Variants in DGAT2 observed in about 807,000 individuals in gnomAD.
DGAT2 encodes acyl-CoA retinol O-fatty-acyltransferase.
DGAT2 carries 33 observed loss-of-function variants against 48.4 expected under a neutral mutation model. The observed-to-expected ratio is 0.68, with a 90% CI of 0.52 to 0.91. The LOEUF is 0.91. Among genes scored for constraint, DGAT2 ranks in the 40% least tolerant of loss-of-function variants. The pLI, the probability that DGAT2 is intolerant of heterozygous loss-of-function variation, is 0.00. For synonymous variants in DGAT2, 191 were observed against 194.1 expected (o/e 0.98, Z 0.13); for missense variants, 446 against 493.7 (o/e 0.90, Z 0.92).
chr11:75,794,671 A>G (rs966869460), intron 4 of DGAT2: 4 of 152,332 alleles, frequency 2.6e-5, no homozygotes, highest in African/African-American at 9.6e-5. Context: ...ACGAGAAGAT[A>G]TGGAACTGAG....
Position 75,769,071 on chromosome 11 carries a change from A to G in DGAT2, c.80A>G (p.His27Arg), listed in dbSNP as rs181017988. The G allele has an allele frequency of 1.7e-4, 267 of 1,583,178 alleles. 1 individual carries two copies. The East Asian group carries it at 6.3e-3, about 37-fold the overall frequency. The change falls in exon 1 of 8, where the codon CAC (histidine) becomes CGC (arginine). Residue 27 changes from histidine to arginine, a missense_variant. Physicochemically the swap from His to Arg is conservative, Grantham distance 29. Transcript: ENST00000228027. Reference protein sequence around the residue: ...QAEADRSQRSHGGPALSREGS... With the variant: ...QAEADRSQRSRGGPALSREGS... ...GAGGCTGACCGGAGCCAGCGCTCTC[A>G]CGGAGGACCTGCGCTGTCGCGCGAG...
Position 75,780,259 on chromosome 11 carries a change from C to T in DGAT2, c.122-4359C>T, listed in dbSNP as rs58082408. Among the ~76,000 whole-genome samples the T allele has an allele frequency of 1.6e-3, 241 of 152,300 alleles. 1 individual carries two copies. In the East Asian group the frequency reaches 0.02, roughly 13 times the overall value. ...CCAGCTTCTGCTGGACTCCTCCCAG[C>T]CACAGCTGGGGCAGAGGAAGTACTG... On this transcript the variant is annotated intron_variant, in intron 1 of 7. Transcript: ENST00000228027.
chr11:75,773,948 A>G (rs144441084), intron 1 of DGAT2: 1 of 152,454 alleles, frequency 6.6e-6, no homozygotes, highest in Non-Finnish European at 1.5e-5. Flanking sequence ...AGGAAATAGC[A>G]TAAATAGAGG....
chr11:75,790,564 G>T lies in DGAT2; in HGVS notation c.359-97G>T. On this transcript the variant is annotated intron_variant, in intron 3 of 7. Transcript: ENST00000228027. Reference sequence around the variant, plus strand: ...GGGAAGGGGGCATGGTGCATGGGGTGATGGTCACCTGCTTGGGTTTCACAC... The same window carrying T: ...GGGAAGGGGGCATGGTGCATGGGGTTATGGTCACCTGCTTGGGTTTCACAC... 5 of 1,140,986 alleles carry T rather than the reference G, an allele frequency of 4.4e-6. No homozygotes were observed. In the East Asian group the frequency reaches 9.4e-5, roughly 21 times the overall value. 70.7% of individuals were successfully genotyped at this position (1,140,986 alleles called of 1,614,324 possible).
intron 7 of DGAT2, 135 bp downstream of exon 7, chr11:75,798,564 T>C: frequency 1.0e-6 from 1 of 987,306 alleles, no homozygotes. Context: ...GACTTTGAAG[T>C]GTTGGGTGCT....
chr11:75,800,687 C>G lies in DGAT2; in HGVS notation c.*179C>G, dbSNP rs1469275375. The G allele has an allele frequency of 1.2e-6, 1 of 825,044 alleles. No individual in the cohort carries two copies. The highest frequency in any genetic ancestry group is 1.8e-6 in the Non-Finnish European group (1 of 550,148). 51.1% of individuals were successfully genotyped at this position (825,044 alleles called of 1,614,324 possible). A position where few individuals can be genotyped will look rare whatever the true frequency, so the allele number is the denominator to read the frequency against. Reference sequence around the variant, plus strand: ...AAAAAGTCAGTATTTCAAGTTCTTTCACTTCCAGCTTGCCCTGTTCTAGGT... The same window carrying G: ...AAAAAGTCAGTATTTCAAGTTCTTTGACTTCCAGCTTGCCCTGTTCTAGGT... On this transcript the variant is annotated 3_prime_UTR_variant, in exon 8 of 8. Transcript: ENST00000228027.
At chr11:75,798,165 G>C (rs1945075842) in intron 6 of DGAT2, 62 bp from the exon 7 acceptor site, 4 of 1,574,130 alleles carry the variant, frequency 2.5e-6, no homozygotes, top group Admixed American at 1.7e-5. Flanking sequence ...AGGGCCTCTA[G>C]GCTGACATAG....
At chr11:75,785,796 TCTGAGA>T (rs1944916568) in intron 2 of DGAT2, among the ~76,000 whole-genome samples, 1 of 152,228 alleles carries the variant, frequency 6.6e-6, no homozygotes, top group Non-Finnish European at 1.5e-5. Flanking sequence ...CATGGGGCGC[TCTGAGA>T]CTGAGACCAT....
chr11:75,800,716 G>A lies in DGAT2; in HGVS notation c.*208G>A, dbSNP rs1370545830. On this transcript the variant is annotated 3_prime_UTR_variant, in exon 8 of 8. Transcript: ENST00000228027. ...TCCAGCTTGCCCTGTTCTAGGTGGT[G>A]GCTAAATCTGGGCCTAATCTGGGTG... 1.5e-5 allele frequency: 9 copies of A among 596,848 alleles called. No individual in the cohort carries two copies. In the East Asian group the frequency reaches 3.0e-4, roughly 20 times the overall value. 37.0% of individuals were successfully genotyped at this position (596,848 alleles called of 1,614,324 possible). A position where few individuals can be genotyped will look rare whatever the true frequency, so the allele number is the denominator to read the frequency against.
At chr11:75,789,995 T>A (rs1426104426) in intron 2 of DGAT2, among the ~76,000 whole-genome samples, 193 bp from the exon 3 acceptor site, 4 of 152,204 alleles carry the variant, frequency 2.6e-5, no homozygotes, top group Admixed American at 2.6e-4. Context: ...GAGATGAGGC[T>A]CCTCTTGTCC....
At chr11:75,796,609 G>A (rs1590876391) in intron 5 of DGAT2, 77 bp downstream of exon 5, 2 of 1,456,970 alleles carry the variant, frequency 1.4e-6, no homozygotes, top group East Asian at 4.7e-5. Context: ...GGGTGACACA[G>A]GGAGCCAACA....
At chr11:75,798,187 A>C in intron 6 of DGAT2, 40 bp from the exon 7 acceptor site, 1 of 1,604,312 alleles carries the variant, frequency 6.2e-7, no homozygotes, top group South Asian at 1.1e-5. Flanking sequence ...AACTGAAGCC[A>C]GTAAGTAGGG....
At chr11:75,770,596 G>A (rs1391613269) in intron 1 of DGAT2, among the ~76,000 whole-genome samples, 1 of 152,232 alleles carries the variant, frequency 6.6e-6, no homozygotes, top group African/African-American at 2.4e-5. Context: ...CTCTGTGGTA[G>A]TGCTTCCTGG....
intron 4 of DGAT2, chr11:75,792,601 A>G (rs571393808): frequency 6.6e-6 from 1 of 152,034 alleles, no homozygotes; most frequent in East Asian, 1.9e-4. Context: ...CTTTGCTGCC[A>G]GAACAGCTCA....
intron 1 of DGAT2, chr11:75,776,756 G>T (rs759779410): frequency 2.6e-5 from 4 of 152,144 alleles, no homozygotes; most frequent in Non-Finnish European, 5.9e-5. Context: ...TGCCATGACC[G>T]GCCTCTCATC....
chr11:75,794,961 C>T (rs1377384149), intron 4 of DGAT2: 1 of 142,292 alleles, frequency 7.0e-6, no homozygotes, highest in African/African-American at 2.6e-5. Flanking sequence ...TTCCTCTCCC[C>T]TCTCCTCCGT....
At chr11:75,772,034 C>CAGGCTTGG (rs1435404410) in intron 1 of DGAT2, among the ~76,000 whole-genome samples, 2 of 152,180 alleles carry the variant, frequency 1.3e-5, no homozygotes, top group Non-Finnish European at 2.9e-5. Context: ...AACTCAGATC[C>CAGGCTTGG]ATCTCCCAGT....
intron 1 of DGAT2, among the ~76,000 whole-genome samples, chr11:75,775,382 C>T (rs1944794581): frequency 6.6e-6 from 1 of 152,228 alleles, no homozygotes; most frequent in Non-Finnish European, 1.5e-5. Context: ...TGCTGGCTCT[C>T]CAGTAGTTTG....
At chr11:75,769,369 T>G (rs1237093203) in intron 1 of DGAT2, among the ~76,000 whole-genome samples, 1 of 152,110 alleles carries the variant, frequency 6.6e-6, no homozygotes, top group African/African-American at 2.4e-5. Flanking sequence ...CTGCGGCTGG[T>G]GACCCCTGGC....
Sources: gnomAD v4.1 joint callset for allele counts (sites outside exome capture counted in the v4.1 genomes callset) on GRCh38, gnomAD v4.1.1 for gene constraint, MANE v1.5 for transcripts, NCBI Gene and HGNC (gene_info 2026-07-23, HGNC 2026-07-21) for gene names.